The following DCK variants were observed in gnomAD, a reference collection of about 807,000 sequenced individuals.
DCK encodes deoxyadenosine kinase.
A neutral mutation model predicts 38.3 loss-of-function variants in DCK; 23 were observed. That is an observed-to-expected ratio of 0.60 (90% CI 0.43 to 0.85). The LOEUF (loss-of-function observed/expected upper bound fraction) is 0.85. DCK is among the 40% of genes least tolerant of loss of function. DCK has a pLI of 0.00. For missense variants in DCK, 259 were observed against 304.4 expected, an observed-to-expected ratio of 0.85 and a Z score of 1.11; for synonymous variants, 108 against 100.6, an observed-to-expected ratio of 1.07 and a Z score of -0.44.
Position 71,022,420 on chromosome 4 carries a change from G to A in DCK, c.261G>A (p.Glu87=), listed in dbSNP as rs144479260. 2.1e-4 allele frequency: 334 copies of A among 1,601,714 alleles called. 1 individual carries two copies. Among genetic ancestry groups the A allele is most frequent in the Admixed American group, 5.4e-4 (31 of 57,478 alleles). The change falls in exon 3 of 7, where the codon GAG becomes GAA. Residue 87 remains glutamate (E), a synonymous_variant. Coordinates refer to ENST00000286648, the MANE Select transcript of DCK (RefSeq NM_000788.3). ...GGAATGTTCTTCAGATGATGTATGAGAAACCTGAACGATGGTCTTTTACCT... is the reference window on the plus strand; with the variant it reads ...GGAATGTTCTTCAGATGATGTATGAAAAACCTGAACGATGGTCTTTTACCT... ...NGGNVLQMMY[E]KPERWSFTFQ...
chr4:71,016,357 C>T (rs1740261321), intron 2 of DCK, among the ~76,000 whole-genome samples: 1 of 152,146 alleles, frequency 6.6e-6, no homozygotes, highest in Non-Finnish European at 1.5e-5. Context: ...GGCCATACTG[C>T]CCAAGGTAAT....
chr4:70,993,825 A>G lies in DCK; in HGVS notation c.-11A>G, dbSNP rs372945476. The G allele has an allele frequency of 5.3e-5, 85 of 1,607,820 alleles. 2 individuals carry two copies. In the South Asian group the frequency reaches 6.0e-4, roughly 11 times the overall value. On this transcript the variant is annotated 5_prime_UTR_variant, in exon 1 of 7. Transcript: ENST00000286648. Reference sequence around the variant, plus strand: ...TGCCGGACGAGCTCTGGGCCGCCACAAGACTAAGGAATGGCCACCCCGCCC... The same window carrying G: ...TGCCGGACGAGCTCTGGGCCGCCACGAGACTAAGGAATGGCCACCCCGCCC...
rs772688934 is a variant in DCK at position 71,029,615 on chromosome 4, A to T, written c.*237A>T. The stretch of plus-strand genomic sequence containing the variant: ...AAAGACATTATTTCTCATAGCAGGA[A>T]ATGTAGAGGTAGATGGTTCCAGTAT... On this transcript the variant is annotated 3_prime_UTR_variant, in exon 7 of 7. Transcript: ENST00000286648. The T allele has an allele frequency of 1.1e-4, 51 of 453,448 alleles. No individual in the cohort carries two copies. The highest frequency in any genetic ancestry group is 1.8e-4 in the Non-Finnish European group (46 of 255,782). The allele number at this position is 453,448 out of a possible 1,614,324, so 28.1% of individuals were successfully genotyped here.
chr4:71,028,224 T>C (rs1196132573), intron 6 of DCK, among the ~76,000 whole-genome samples: 1 of 152,244 alleles, frequency 6.6e-6, no homozygotes, highest in Non-Finnish European at 1.5e-5. Flanking sequence ...GTGTTAAAGC[T>C]GCATATGTCA....
chr4:71,028,728 G>A, intron 6 of DCK: 1 of 384,010 alleles, frequency 2.6e-6, no homozygotes, highest in Non-Finnish European at 5.1e-6. Context: ...AAGTAGGTGG[G>A]ATTACAAGTG....
At chr4:71,015,733 A>G (rs1740244775) in intron 2 of DCK, among the ~76,000 whole-genome samples, 1 of 152,082 alleles carries the variant, frequency 6.6e-6, no homozygotes, top group Non-Finnish European at 1.5e-5. Flanking sequence ...AAACTCAACA[A>G]CCCTTATGCT....
intron 2 of DCK, among the ~76,000 whole-genome samples, chr4:71,019,868 C>A (rs1284595370): frequency 6.6e-6 from 1 of 152,136 alleles, no homozygotes; most frequent in Non-Finnish European, 1.5e-5. Flanking sequence ...CTCACGGCAA[C>A]TTCTGCCTCC....
chr4:71,002,470 C>G (rs1178750043), intron 2 of DCK, among the ~76,000 whole-genome samples: 1 of 152,152 alleles, frequency 6.6e-6, no homozygotes. Context: ...CTCTAGATGT[C>G]TTTCAGGTCT....
intron 2 of DCK, among the ~76,000 whole-genome samples, chr4:71,020,273 C>T (rs1740380291): frequency 6.6e-6 from 1 of 152,116 alleles, no homozygotes; most frequent in Non-Finnish European, 1.5e-5. Flanking sequence ...TAGAGACAGG[C>T]TTGATTAGAT....
chr4:71,016,531 C>G (rs1740266641), intron 2 of DCK, among the ~76,000 whole-genome samples: 1 of 152,178 alleles, frequency 6.6e-6, no homozygotes, highest in South Asian at 2.1e-4. Context: ...TGACTTCAAA[C>G]TATACTACAA....
At chr4:71,012,470 C>G (rs569094500) in intron 2 of DCK, among the ~76,000 whole-genome samples, 147 of 152,362 alleles carry the variant, frequency 9.6e-4, no homozygotes, top group African/African-American at 3.2e-3. Context: ...ACTGCCTCTG[C>G]AAGTGGGTCC....
In DCK at chr4:70,993,934, G is replaced by A; in HGVS notation, c.91+8G>A. The A allele has an allele frequency of 6.2e-7, 1 of 1,604,348 alleles. No individual in the cohort carries two copies. Among genetic ancestry groups the A allele is most frequent in the South Asian group, 1.1e-5 (1 of 90,758 alleles). ...CCATCGAAGGGAACATCGGTAAGGA[G>A]CCTCCGGAAATGTGGGACGCAAGGC... On this transcript the variant is annotated splice_region_variant and intron_variant, in intron 1 of 6. Coordinates refer to ENST00000286648, the MANE Select transcript of DCK (RefSeq NM_000788.3).
intron 2 of DCK, among the ~76,000 whole-genome samples, chr4:71,020,852 T>C (rs1298957281): frequency 6.6e-6 from 1 of 152,152 alleles, no homozygotes; most frequent in Non-Finnish European, 1.5e-5. Flanking sequence ...TCCTAAAATA[T>C]ACAAGATGAA....
chr4:71,024,932 C>G (rs1045737800), intron 4 of DCK, among the ~76,000 whole-genome samples: 4 of 151,860 alleles, frequency 2.6e-5, no homozygotes, highest in Non-Finnish European at 5.9e-5. Context: ...CTAATAATTT[C>G]ATTTTGATAC....
chr4:71,027,033 T>C (rs1740563747), intron 6 of DCK, among the ~76,000 whole-genome samples: 1 of 152,032 alleles, frequency 6.6e-6, no homozygotes, highest in African/African-American at 2.4e-5. Context: ...TTTTATCCTT[T>C]AGTGCCTCTA....
intron 2 of DCK, among the ~76,000 whole-genome samples, chr4:71,000,280 TC>T (rs1206557598): frequency 2.0e-5 from 3 of 152,232 alleles, no homozygotes; most frequent in African/African-American, 7.2e-5. Context: ...AAATAGGGAA[TC>T]CTTTCCCCAT....
At chr4:71,005,249 G>A (rs1455485006) in intron 2 of DCK, among the ~76,000 whole-genome samples, 1 of 151,758 alleles carries the variant, frequency 6.6e-6, no homozygotes, top group Non-Finnish European at 1.5e-5. Context: ...CCTTCCAGGT[G>A]AGGCGATGCC....
chr4:70,997,360 T>A (rs965218388), intron 1 of DCK, among the ~76,000 whole-genome samples: 2 of 152,166 alleles, frequency 1.3e-5, no homozygotes, highest in African/African-American at 4.8e-5. Flanking sequence ...GTGGCCAGTG[T>A]TTTTACCATG....
intron 2 of DCK, among the ~76,000 whole-genome samples, chr4:71,008,542 G>A (rs1740003954): frequency 1.3e-5 from 2 of 152,190 alleles, no homozygotes; most frequent in African/African-American, 4.8e-5. Flanking sequence ...TTGAAGGAGA[G>A]ACTGGAGTTC....
Sources: gnomAD v4.1 joint callset for allele counts (sites outside exome capture counted in the v4.1 genomes callset) on GRCh38, gnomAD v4.1.1 for gene constraint, MANE v1.5 for transcripts, NCBI Gene and HGNC (gene_info 2026-07-23, HGNC 2026-07-21) for gene names.